The following APELA variants were observed in gnomAD, a reference collection of about 807,000 sequenced individuals.
APELA encodes protein Elabela.
chr4:164,884,314 C>G (rs1278588515), intron 2 of APELA, among the ~76,000 whole-genome samples: 2 of 152,102 alleles, frequency 1.3e-5, no homozygotes, highest in East Asian at 3.9e-4. Context: ...TCTTCAAAGC[C>G]ACACTTTTTG....
At chr4:164,894,779 C>T (rs1487036887) in intron 2 of APELA, among the ~76,000 whole-genome samples, 6 of 152,320 alleles carry the variant, frequency 3.9e-5, no homozygotes, top group Admixed American at 3.9e-4. Flanking sequence ...TGAAGCCTTC[C>T]TCTCACCTCA....
intron 2 of APELA, among the ~76,000 whole-genome samples, chr4:164,888,696 C>T (rs1213631188): frequency 2.6e-5 from 4 of 152,210 alleles, no homozygotes; most frequent in Non-Finnish European, 1.5e-5. Flanking sequence ...CAGCAACCTT[C>T]ACACCTCCAC....
At chr4:164,883,484 C>CTTTTTTTTTT (rs758157733) in intron 2 of APELA, among the ~76,000 whole-genome samples, 5 of 129,366 alleles carry the variant, frequency 3.9e-5, no homozygotes, top group African/African-American at 3.2e-5. Context: ...TCTAGTCTTT[C>CTTTTTTTTTT]TTTTTCTTTT....
At chr4:164,878,044 C>T (rs1157800358) in intron 1 of APELA, among the ~76,000 whole-genome samples, 1 of 150,326 alleles carries the variant, frequency 6.7e-6, no homozygotes, top group African/African-American at 2.5e-5. Flanking sequence ...GTATATTGTA[C>T]TTAACCAACA....
At chr4:164,889,128 C>G (rs1328933329) in intron 2 of APELA, among the ~76,000 whole-genome samples, 1 of 149,612 alleles carries the variant, frequency 6.7e-6, no homozygotes, top group African/African-American at 2.4e-5. Flanking sequence ...CTCAGCCCCC[C>G]AATAACTTCT....
intron 2 of APELA, among the ~76,000 whole-genome samples, chr4:164,893,307 A>G (rs76833295): frequency 2.0e-3 from 299 of 152,242 alleles, no homozygotes; most frequent in African/African-American, 7.0e-3. Flanking sequence ...TCATCTCAAA[A>G]TACTCTCTTA....
chr4:164,896,884 C>T lies in APELA; in HGVS notation c.*1470C>T, dbSNP rs1381450558. On this transcript the variant is annotated 3_prime_UTR_variant, in exon 3 of 3. Coordinates refer to ENST00000507152, the MANE Select transcript of APELA (RefSeq NM_001297550.2). ...TAACTCCCTGGCTCAAGCGATCCTT[C>T]CACCTCAGCCTCCCAAGTACCTGGG... 1 of 152,080 alleles carries T rather than the reference C, an allele frequency of 6.6e-6. No individual in the cohort carries two copies. The allele number at this position is 152,080 out of a possible 1,614,324, so 9.4% of individuals were successfully genotyped here.
chr4:164,882,595 T>C (rs1730674326), intron 2 of APELA, among the ~76,000 whole-genome samples: 2 of 151,786 alleles, frequency 1.3e-5, no homozygotes, highest in South Asian at 4.1e-4. Flanking sequence ...ATTATTATTA[T>C]TAATTTCATT....
chr4:164,880,386 T>C (rs1730634150), intron 2 of APELA, among the ~76,000 whole-genome samples: 1 of 152,250 alleles, frequency 6.6e-6, no homozygotes, highest in Admixed American at 6.5e-5. Context: ...ATCTTTGTTA[T>C]CAAAATATGA....
At chr4:164,883,003 C>T (rs1730691279) in intron 2 of APELA, among the ~76,000 whole-genome samples, 1 of 152,068 alleles carries the variant, frequency 6.6e-6, no homozygotes, top group South Asian at 2.1e-4. Context: ...TCTCTTGTCA[C>T]CCTCACTTGG....
downstream of APELA, among the ~76,000 whole-genome samples, chr4:164,898,361 G>A (rs1279354031): frequency 6.6e-6 from 1 of 151,658 alleles, no homozygotes; most frequent in African/African-American, 2.4e-5. Context: ...AATTAGCTGG[G>A]CGTGGTGTCG....
At chr4:164,898,483 CAA>C (rs1242097826), downstream of APELA, among the ~76,000 whole-genome samples, 3 of 114,864 alleles carry the variant, frequency 2.6e-5, no homozygotes, top group African/African-American at 9.7e-5. Context: ...GCCTGGGCAA[CAA>C]GAGCAAAACT....
intron 2 of APELA, among the ~76,000 whole-genome samples, chr4:164,887,280 C>T (rs1045575464): frequency 6.6e-6 from 1 of 152,136 alleles, no homozygotes; most frequent in African/African-American, 2.4e-5. Context: ...CCTCCTTACC[C>T]ACCCCCATCT....
intron 2 of APELA, among the ~76,000 whole-genome samples, chr4:164,882,540 G>A (rs1560857407): frequency 1.3e-5 from 2 of 152,038 alleles, no homozygotes; most frequent in Non-Finnish European, 2.9e-5. Flanking sequence ...CAGAGGTAAT[G>A]ACTATGAATA....
rs1490941114 is a variant in APELA at position 164,895,819 on chromosome 4, A to G, written c.*405A>G. On this transcript the variant is annotated 3_prime_UTR_variant, in exon 3 of 3. Transcript: ENST00000507152. ...CATATTCCTATAATTCTCCAAAAGT[A>G]TTAAATTCGTATATGTTTGAGTGAT... The G allele has an allele frequency of 6.6e-6, 1 of 152,234 alleles. No individual in the cohort carries two copies. Among genetic ancestry groups the G allele is most frequent in the Non-Finnish European group, 1.5e-5 (1 of 68,038 alleles). 9.4% of individuals were successfully genotyped at this position (152,234 alleles called of 1,614,324 possible). A position where few individuals can be genotyped will look rare whatever the true frequency, so the allele number is the denominator to read the frequency against.
chr4:164,892,598 C>T (rs1475878624), intron 2 of APELA, among the ~76,000 whole-genome samples: 1 of 152,066 alleles, frequency 6.6e-6, no homozygotes, highest in Non-Finnish European at 1.5e-5. Flanking sequence ...CTTATGATGT[C>T]TTTTTCTGAT....
intron 2 of APELA, among the ~76,000 whole-genome samples, chr4:164,887,770 C>T (rs1730801842): frequency 6.6e-6 from 1 of 152,042 alleles, no homozygotes; most frequent in South Asian, 2.1e-4. Flanking sequence ...CGCCACCATG[C>T]CCAGCTAATT....
At chr4:164,887,550 T>G (rs1730797527) in intron 2 of APELA, among the ~76,000 whole-genome samples, 1 of 152,212 alleles carries the variant, frequency 6.6e-6, no homozygotes, top group African/African-American at 2.4e-5. Context: ...TTCATTATTT[T>G]GTATTCACAT....
Position 164,883,059 on chromosome 4 carries a change from C to G in APELA, c.*1+4050C>G, listed in dbSNP as rs149984714. The stretch of plus-strand genomic sequence containing the variant: ...TTTCCTATTTTCTGTCTTATTCTTA[C>G]CCCCTTGCAGTCATGGGCATCTGAC... On this transcript the variant is annotated intron_variant, in intron 2 of 2. Coordinates refer to ENST00000507152, the MANE Select transcript of APELA (RefSeq NM_001297550.2). 3.6e-3 allele frequency among the ~76,000 whole-genome samples: 555 copies of G among 152,214 alleles called. 13 individuals carry two copies. The highest frequency in any genetic ancestry group is 0.012 in the African/African-American group (495 of 41,528).
Sources: gnomAD v4.1 joint callset for allele counts (sites outside exome capture counted in the v4.1 genomes callset) on GRCh38, gnomAD v4.1.1 for gene constraint, MANE v1.5 for transcripts, NCBI Gene and HGNC (gene_info 2026-07-23, HGNC 2026-07-21) for gene names.